SV2C: variants seen among roughly 807,000 people sequenced by gnomAD.
SV2C encodes the protein solute carrier family 22 member B3.
SV2C carries 49 observed loss-of-function variants against 79.7 expected under a neutral mutation model. That is an observed-to-expected ratio of 0.61 (90% confidence interval 0.49 to 0.78). The LOEUF is 0.78. Ranked by LOEUF, SV2C falls within the 30% of genes least tolerant of loss-of-function variation. The pLI, the probability that SV2C is intolerant of heterozygous loss-of-function variation, is 0.00. For synonymous variants in SV2C, 334 were observed against 333.2 expected, an observed-to-expected ratio of 1.00 and a Z score of -0.03; for missense variants, 833 against 912.9, an observed-to-expected ratio of 0.91 and a Z score of 1.13.
chr5:75,899,420 T>C, the SV2C span, among the ~76,000 whole-genome samples: 2 of 152,354 alleles, frequency 1.3e-5, no homozygotes, highest in African/African-American at 2.4e-5. Flanking sequence ...TTGATTGCAC[T>C]GTGGTCTGAG....
intron 4 of SV2C, among the ~76,000 whole-genome samples, chr5:76,229,179 T>C (rs1745340527): frequency 6.6e-6 from 1 of 152,196 alleles, no homozygotes; most frequent in Non-Finnish European, 1.5e-5. Flanking sequence ...TCCTCCCCAC[T>C]CTGCTGCCTA....
At chr5:75,973,643 G>T in the SV2C span, among the ~76,000 whole-genome samples, 7 of 152,066 alleles carry the variant, frequency 4.6e-5, 2 homozygotes, top group African/African-American at 1.7e-4. Context: ...CTGTTCTGAT[G>T]ATTAGGTTTA....
intron 2 of SV2C, among the ~76,000 whole-genome samples, chr5:76,156,412 G>A (rs1190195390): frequency 6.6e-6 from 1 of 152,066 alleles, no homozygotes; most frequent in African/African-American, 2.4e-5. Flanking sequence ...AGCAATCCCT[G>A]GAGAGAGGGA....
At chr5:76,114,245 A>G (rs1361873005) in intron 1 of SV2C, among the ~76,000 whole-genome samples, 1 of 152,160 alleles carries the variant, frequency 6.6e-6, no homozygotes, top group Non-Finnish European at 1.5e-5. Context: ...ATCCCTCCCC[A>G]TCCCCCATCA....
At chr5:76,018,695 A>T in the SV2C span, among the ~76,000 whole-genome samples, 1 of 152,208 alleles carries the variant, frequency 6.6e-6, no homozygotes, top group Admixed American at 6.5e-5. Flanking sequence ...GATGTAATTA[A>T]GTATGGAAAA....
chr5:75,919,537 A>G, the SV2C span, among the ~76,000 whole-genome samples: 2 of 152,170 alleles, frequency 1.3e-5, no homozygotes, highest in African/African-American at 4.8e-5. Flanking sequence ...TCTTCTATAG[A>G]ATGCATCCTA....
At chr5:76,142,967 C>T (rs1749306271) in intron 2 of SV2C, among the ~76,000 whole-genome samples, 1 of 144,680 alleles carries the variant, frequency 6.9e-6, no homozygotes, top group Non-Finnish European at 1.5e-5. Context: ...AATCTCGGCT[C>T]ACTACTGCAA....
intron 1 of SV2C, among the ~76,000 whole-genome samples, chr5:76,089,603 C>T (rs906616215): frequency 1.3e-5 from 2 of 152,198 alleles, no homozygotes; most frequent in East Asian, 3.9e-4. Context: ...AGAATCGCCA[C>T]ACTGTCTTCC....
At chr5:76,166,647 CAG>C (rs527608193) in intron 2 of SV2C, among the ~76,000 whole-genome samples, 73 of 150,366 alleles carry the variant, frequency 4.9e-4, no homozygotes, top group African/African-American at 1.7e-3. Context: ...AGTGCTGCCT[CAG>C]AAAATTTTTT....
chr5:76,031,594 C>A, the SV2C span, among the ~76,000 whole-genome samples: 1 of 152,140 alleles, frequency 6.6e-6, no homozygotes, highest in Admixed American at 6.5e-5. Context: ...CCCTCTCAAA[C>A]CCTCTATTGA....
chr5:76,084,981 G>A (rs1293033410), intron 1 of SV2C, among the ~76,000 whole-genome samples: 2 of 152,214 alleles, frequency 1.3e-5, no homozygotes, highest in African/African-American at 4.8e-5. Flanking sequence ...GTCTTTTAAG[G>A]CTCATGAGAG....
intron 4 of SV2C, among the ~76,000 whole-genome samples, chr5:76,268,971 A>C (rs1409252901): frequency 6.6e-6 from 1 of 152,224 alleles, no homozygotes; most frequent in African/African-American, 2.4e-5. Flanking sequence ...CGGTTTTCAC[A>C]CCTCTGTTAG....
intron 4 of SV2C, among the ~76,000 whole-genome samples, chr5:76,222,266 G>A (rs1027501070): frequency 2.6e-5 from 4 of 152,144 alleles, no homozygotes; most frequent in Admixed American, 6.5e-5. Context: ...TAACCAAAAT[G>A]TCCTGCAATA....
At chr5:75,956,065 T>G in the SV2C span, among the ~76,000 whole-genome samples, 2 of 140,806 alleles carry the variant, frequency 1.4e-5, no homozygotes, top group Non-Finnish European at 3.1e-5. Context: ...CAAAGGACTA[T>G]AAATCATGCT....
the SV2C span, among the ~76,000 whole-genome samples, chr5:75,950,451 A>G: frequency 5.3e-5 from 8 of 152,180 alleles, no homozygotes; most frequent in African/African-American, 1.7e-4. Flanking sequence ...AAGTAATATG[A>G]CTAATTTTTA....
chr5:76,104,570 G>A (rs1305190067), intron 1 of SV2C, among the ~76,000 whole-genome samples: 1 of 152,208 alleles, frequency 6.6e-6, no homozygotes, highest in East Asian at 1.9e-4. Context: ...TTCTTCAATA[G>A]ATACTAGTGA....
chr5:76,112,971 A>G (rs1748140180), intron 1 of SV2C, among the ~76,000 whole-genome samples: 1 of 152,222 alleles, frequency 6.6e-6, no homozygotes, highest in East Asian at 1.9e-4. Context: ...GTGGAGTTAC[A>G]GTACTGGCCC....
At chr5:76,307,304 G>T (rs1748226346) in intron 12 of SV2C, among the ~76,000 whole-genome samples, 1 of 152,206 alleles carries the variant, frequency 6.6e-6, no homozygotes, top group Non-Finnish European at 1.5e-5. Context: ...AGCAGAGAAA[G>T]TTGGCTTCAT....
the SV2C span, among the ~76,000 whole-genome samples, chr5:75,933,618 C>T: frequency 3.3e-5 from 5 of 152,170 alleles, no homozygotes; most frequent in East Asian, 1.9e-4. Context: ...CCAGTAGCAC[C>T]GTAGCCAGTT....
Sources: gnomAD v4.1 joint callset for allele counts (sites outside exome capture counted in the v4.1 genomes callset) on GRCh38, gnomAD v4.1.1 for gene constraint, MANE v1.5 for transcripts, NCBI Gene and HGNC (gene_info 2026-07-23, HGNC 2026-07-21) for gene names.